Variants in NAV3 observed in about 807,000 individuals in gnomAD.
NAV3 encodes neuron navigator 3.
Under a neutral mutation model 244.7 loss-of-function variants are expected in NAV3, and 87 were observed. The ratio of observed to expected loss-of-function variants is 0.36; its 90% confidence interval spans 0.30 to 0.42. NAV3 has a LOEUF of 0.42. NAV3 is among the 20% of genes least tolerant of loss of function. The probability of loss-of-function intolerance (pLI) is 1.00; values close to 1 mark genes in which losing one functional copy is unlikely to be tolerated. For missense variants in NAV3, 2,663 were observed against 2,893.3 expected (o/e 0.92, Z 1.83); for synonymous variants, 1,126 against 1,042.2 (o/e 1.08, Z -1.55).
In NAV3 at chr12:78,212,534, G is replaced by A. The variant is rs2140153224; in HGVS notation, c.*2017G>A. 6.5e-6 allele frequency: 1 copy of A among 152,678 alleles called. No individual in the cohort carries two copies. Among genetic ancestry groups the A allele is most frequent in the East Asian group, 1.9e-4 (1 of 5,168 alleles). The allele number at this position is 152,678 out of a possible 1,614,324, so 9.5% of individuals were successfully genotyped here. ...CCCTGACTTTGAAGCCTCAAACATGGATCAAATCTGTTGTGAAACATCAAT... is the reference window on the plus strand; with the variant it reads ...CCCTGACTTTGAAGCCTCAAACATGAATCAAATCTGTTGTGAAACATCAAT... On this transcript the variant is annotated 3_prime_UTR_variant, in exon 40 of 40. Coordinates refer to ENST00000397909, the MANE Select transcript of NAV3 (RefSeq NM_001024383.2).
intron 2 of NAV3, among the ~76,000 whole-genome samples, chr12:77,765,927 G>T (rs907398614): frequency 4.6e-5 from 7 of 152,162 alleles, no homozygotes; most frequent in African/African-American, 9.6e-5. Flanking sequence ...AAATTTGCAC[G>T]AGGGACATGA....
intron 12 of NAV3, among the ~76,000 whole-genome samples, chr12:78,086,232 G>A (rs1328174453): frequency 6.6e-6 from 1 of 152,016 alleles, no homozygotes; most frequent in Non-Finnish European, 1.5e-5. Flanking sequence ...TTGCATAAAA[G>A]AAAACACTAA....
intron 2 of NAV3, among the ~76,000 whole-genome samples, chr12:77,723,445 A>G (rs1876731547): frequency 6.6e-6 from 1 of 152,062 alleles, no homozygotes; most frequent in South Asian, 2.1e-4. Context: ...ACATGGAGCC[A>G]CTGAGCAGAT....
At chr12:77,753,605 T>A (rs2135808114) in intron 2 of NAV3, among the ~76,000 whole-genome samples, 1 of 152,278 alleles carries the variant, frequency 6.6e-6, no homozygotes, top group South Asian at 2.1e-4. Context: ...ATGATAGCAT[T>A]AAAAATGAGG....
chr12:77,752,959 G>T (rs1592648580), intron 2 of NAV3, among the ~76,000 whole-genome samples: 1 of 152,226 alleles, frequency 6.6e-6, no homozygotes, highest in Non-Finnish European at 1.5e-5. Flanking sequence ...AACTTACTAA[G>T]CCAAAGATAC....
At chr12:77,841,739 T>G (rs1565846254) in intron 1 of NAV3, among the ~76,000 whole-genome samples, 1 of 152,158 alleles carries the variant, frequency 6.6e-6, no homozygotes, top group East Asian at 1.9e-4. Flanking sequence ...AACTGGCCAT[T>G]TATAGAAAAT....
rs1957634562 is a variant in NAV3 at position 78,163,103 on chromosome 12, T to C, written c.4869+3817T>C. Among the ~76,000 whole-genome samples, 3 of 151,410 alleles carry C rather than the reference T, an allele frequency of 2.0e-5. No homozygotes were observed. In the South Asian group the frequency reaches 6.2e-4, roughly 31 times the overall value. ...CAAAGGCCAAGGTGGTTACATGTTC[T>C]TGATTACATACTTTAAAAATGGATA... On this transcript the variant is annotated intron_variant, in intron 23 of 39. Coordinates refer to ENST00000397909, the MANE Select transcript of NAV3 (RefSeq NM_001024383.2).
chr12:77,943,638 T>C (rs1256954587), intron 3 of NAV3, among the ~76,000 whole-genome samples: 1 of 152,224 alleles, frequency 6.6e-6, no homozygotes, highest in Non-Finnish European at 1.5e-5. Context: ...ATGAATTTCA[T>C]GTATCTACTC....
At chr12:77,948,598 G>A (rs2464134) in intron 3 of NAV3, among the ~76,000 whole-genome samples, 127,231 of 151,164 alleles carry the variant, frequency 0.84, 53,664 homozygotes, top group East Asian at 0.98. Flanking sequence ...GACATATTTC[G>A]TAAGAATCCT....
intron 11 of NAV3, 47 bp downstream of exon 11, chr12:78,051,194 G>T (rs746980669): frequency 1.9e-6 from 3 of 1,561,198 alleles, no homozygotes; most frequent in Non-Finnish European, 1.7e-6. Context: ...AGGGGAGGTG[G>T]TCTACTATAA....
chr12:78,210,640 G>A lies in NAV3; in HGVS notation c.*123G>A. On this transcript the variant is annotated 3_prime_UTR_variant, in exon 40 of 40. Coordinates refer to ENST00000397909, the MANE Select transcript of NAV3 (RefSeq NM_001024383.2). ...TCAAGGGCCCTGACCCAGAGTTGTG[G>A]TCTCCAAGGAGGCAGCAGAACTAAG... 1.7e-6 allele frequency: 2 copies of A among 1,186,374 alleles called. No individual in the cohort carries two copies. Among genetic ancestry groups the A allele is most frequent in the Non-Finnish European group, 2.3e-6 (2 of 856,308 alleles). 73.5% of individuals were successfully genotyped at this position (1,186,374 alleles called of 1,614,324 possible).
In NAV3 at chr12:77,589,637, A is replaced by G. The variant is rs1052080099; in HGVS notation, c.72+17371A>G. Among the ~76,000 whole-genome samples the G allele has an allele frequency of 1.3e-5, 2 of 152,150 alleles. 1 individual carries two copies. Among genetic ancestry groups the G allele is most frequent in the South Asian group, 4.1e-4 (2 of 4,826 alleles). On this transcript the variant is annotated intron_variant, in intron 2 of 8. Coordinates refer to the NAV3 transcript ENST00000550042. ...CAGATCTCATGAGAATTTACTCACT[A>G]TTGTCAGAATACCATGGGGTAAACC...
intron 2 of NAV3, among the ~76,000 whole-genome samples, chr12:77,717,989 T>C (rs1876437013): frequency 1.3e-5 from 2 of 152,206 alleles, no homozygotes; most frequent in African/African-American, 4.8e-5. Context: ...CTGTATCAGA[T>C]ATGTGAATTG....
chr12:77,823,483 T>A (rs1368444566), intron 2 of NAV3, among the ~76,000 whole-genome samples: 1 of 152,204 alleles, frequency 6.6e-6, no homozygotes, highest in Non-Finnish European at 1.5e-5. Context: ...AGGTTGGGAA[T>A]AGTTGACGTT....
chr12:77,957,988 C>T (rs1025689728), intron 3 of NAV3, among the ~76,000 whole-genome samples: 3 of 152,110 alleles, frequency 2.0e-5, no homozygotes, highest in Admixed American at 2.0e-4. Flanking sequence ...CTAATACACA[C>T]TCTATGGTTG....
chr12:77,763,969 C>T (rs1233499122), intron 2 of NAV3, among the ~76,000 whole-genome samples: 4 of 152,132 alleles, frequency 2.6e-5, no homozygotes, highest in Non-Finnish European at 5.9e-5. Context: ...TACTCCGAGG[C>T]CTGGGATCCA....
chr12:78,166,736 T>C (rs1020719055), intron 23 of NAV3, among the ~76,000 whole-genome samples: 5 of 151,744 alleles, frequency 3.3e-5, no homozygotes, highest in African/African-American at 1.2e-4. Context: ...TTTTATCTTT[T>C]TGAAAACAGG....
intron 1 of NAV3, among the ~76,000 whole-genome samples, chr12:77,882,287 C>G (rs1176426334): frequency 6.6e-6 from 1 of 152,066 alleles, no homozygotes. Context: ...ATACCTACAA[C>G]CATGTGATTA....
At position 77,809,114 on chromosome 12, in the gene NAV3, C is replaced by T. The variant is rs138667302; in HGVS notation, c.73-131205C>T. 1.1e-3 allele frequency among the ~76,000 whole-genome samples: 174 copies of T among 152,274 alleles called. 1 individual carries two copies. Among genetic ancestry groups the T allele is most frequent in the African/African-American group, 4.0e-3 (168 of 41,574 alleles). ...GGATCTTACCTTGCTGGGCTCTGTGCGGGATGGGATCTGCTGAGCTAGACC... is the reference window on the plus strand; with the variant it reads ...GGATCTTACCTTGCTGGGCTCTGTGTGGGATGGGATCTGCTGAGCTAGACC... On this transcript the variant is annotated intron_variant, in intron 2 of 8. Transcript: ENST00000550042.
Sources: gnomAD v4.1 joint callset for allele counts (sites outside exome capture counted in the v4.1 genomes callset) on GRCh38, gnomAD v4.1.1 for gene constraint, MANE v1.5 for transcripts, NCBI Gene and HGNC (gene_info 2026-07-23, HGNC 2026-07-21) for gene names.